The following GNA14 variants were observed in gnomAD, a reference collection of about 807,000 sequenced individuals.
GNA14 encodes guanine nucleotide-binding protein subunit alpha-14.
GNA14 carries 50 observed loss-of-function variants against 42.0 expected under a neutral mutation model. The ratio of observed to expected loss-of-function variants is 1.19; its 90% confidence interval spans 0.95 to 1.51. The LOEUF (loss-of-function observed/expected upper bound fraction) is 1.51, where lower values mean the gene tolerates loss of function less well. Ranked by LOEUF, GNA14 falls within the 40% of genes most tolerant of loss-of-function variation. The probability of loss-of-function intolerance (pLI) is 0.00; values close to 1 mark genes in which losing one functional copy is unlikely to be tolerated. For missense variants in GNA14, 473 were observed against 446.2 expected (o/e 1.06, Z -0.54); for synonymous variants, 173 against 163.1 (o/e 1.06, Z -0.46).
intron 1 of GNA14, among the ~76,000 whole-genome samples, chr9:77,587,299 C>T (rs536142644): frequency 2.0e-4 from 31 of 152,198 alleles, no homozygotes; most frequent in African/African-American, 6.7e-4. Context: ...CACTTCTAAG[C>T]ATATATACCC....
intron 1 of GNA14, among the ~76,000 whole-genome samples, chr9:77,638,401 A>C (rs535626940): frequency 6.6e-6 from 1 of 152,382 alleles, no homozygotes; most frequent in East Asian, 1.9e-4. Context: ...GTGCAAGGAT[A>C]ATTTCAGGTA....
intron 2 of GNA14, among the ~76,000 whole-genome samples, chr9:77,443,132 T>C (rs922039830): frequency 5.3e-5 from 8 of 152,188 alleles, no homozygotes; most frequent in African/African-American, 1.9e-4. Flanking sequence ...CTCTCACTGA[T>C]AGTGTAAACA....
chr9:77,541,418 G>A (rs1046640693), intron 1 of GNA14, among the ~76,000 whole-genome samples: 1 of 152,020 alleles, frequency 6.6e-6, no homozygotes, highest in African/African-American at 2.4e-5. Flanking sequence ...GTCAGATAGG[G>A]GTTCCTTTAT....
chr9:77,498,403 A>AAAAAAAAAAAAAAC (rs1836911241), intron 2 of GNA14, among the ~76,000 whole-genome samples: 1 of 151,126 alleles, frequency 6.6e-6, no homozygotes, highest in African/African-American at 2.4e-5. Context: ...AAAAAGAAAA[A>AAAAAAAAAAAAAAC]GAAAACAAGC....
intron 2 of GNA14, among the ~76,000 whole-genome samples, chr9:77,501,350 T>C (rs1053325809): frequency 3.3e-5 from 5 of 152,212 alleles, no homozygotes; most frequent in African/African-American, 9.7e-5. Flanking sequence ...TCCTCCACAT[T>C]ACCCCCAGCA....
chr9:77,518,540 T>C (rs1262034784), intron 2 of GNA14, among the ~76,000 whole-genome samples: 2 of 152,102 alleles, frequency 1.3e-5, no homozygotes, highest in Non-Finnish European at 2.9e-5. Flanking sequence ...CCACATGCCA[T>C]CTTTCAACCA....
At chr9:77,506,283 TAA>T (rs199978059) in intron 2 of GNA14, among the ~76,000 whole-genome samples, 55 of 126,706 alleles carry the variant, frequency 4.3e-4, no homozygotes, top group Admixed American at 7.3e-4. Flanking sequence ...CCCTGTCTCT[TAA>T]AAAAAAAAAA....
At chr9:77,620,372 T>C (rs769761988) in intron 1 of GNA14, among the ~76,000 whole-genome samples, 7 of 152,156 alleles carry the variant, frequency 4.6e-5, no homozygotes, top group Non-Finnish European at 8.8e-5. Flanking sequence ...TTTCAGGTGA[T>C]TGAAAGTTTA....
intron 1 of GNA14, among the ~76,000 whole-genome samples, chr9:77,640,781 T>C (rs1277776097): frequency 6.9e-6 from 1 of 145,300 alleles, no homozygotes; most frequent in Non-Finnish European, 1.5e-5. Flanking sequence ...GCAGAGCCCC[T>C]CTGAGAAACA....
At chr9:77,446,107 CA>C (rs1835813615) in intron 2 of GNA14, among the ~76,000 whole-genome samples, 1 of 152,154 alleles carries the variant, frequency 6.6e-6, no homozygotes, top group South Asian at 2.1e-4. Context: ...CGTGAGTGAC[CA>C]GAGCGGCAGG....
At chr9:77,623,078 G>T (rs1823954233) in intron 1 of GNA14, among the ~76,000 whole-genome samples, 1 of 150,640 alleles carries the variant, frequency 6.6e-6, no homozygotes, top group Non-Finnish European at 1.5e-5. Context: ...AGCCAGGTGT[G>T]GTGGCATGCG....
chr9:77,535,026 T>G (rs1837576676), intron 1 of GNA14, among the ~76,000 whole-genome samples: 1 of 152,208 alleles, frequency 6.6e-6, no homozygotes, highest in South Asian at 2.1e-4. Context: ...ATTTCAGGGC[T>G]TTTTAATGGG....
At chr9:77,587,518 A>T (rs1823324451) in intron 1 of GNA14, among the ~76,000 whole-genome samples, 1 of 152,182 alleles carries the variant, frequency 6.6e-6, no homozygotes, top group African/African-American at 2.4e-5. Flanking sequence ...TGAACTTTAA[A>T]ATATTTGCCA....
intron 2 of GNA14, among the ~76,000 whole-genome samples, chr9:77,462,116 T>G (rs1836118546): frequency 6.6e-6 from 1 of 152,136 alleles, no homozygotes; most frequent in Non-Finnish European, 1.5e-5. Flanking sequence ...AGCAGCATGA[T>G]TAAGGCTTCT....
chr9:77,498,391 AAAAAAAG>A (rs1476376949), intron 2 of GNA14, among the ~76,000 whole-genome samples: 2 of 141,554 alleles, frequency 1.4e-5, no homozygotes, highest in African/African-American at 5.3e-5. Flanking sequence ...AAAAAAAAGA[AAAAAAAG>A]AAAAAGAAAA....
chr9:77,589,688 C>G (rs933318694), intron 1 of GNA14, among the ~76,000 whole-genome samples: 1 of 152,076 alleles, frequency 6.6e-6, no homozygotes, highest in African/African-American at 2.4e-5. Context: ...CCGCAGGTTG[C>G]CTAAAGCAAC....
At chr9:77,485,748 TAGGTGACC>T (rs1273440783) in intron 2 of GNA14, among the ~76,000 whole-genome samples, 2 of 152,176 alleles carry the variant, frequency 1.3e-5, no homozygotes, top group Non-Finnish European at 2.9e-5. Context: ...TCAGAGCGCT[TAGGTGACC>T]AGGTGCATTG....
At chr9:77,452,381 AG>A (rs1241431194) in intron 2 of GNA14, among the ~76,000 whole-genome samples, 2 of 152,186 alleles carry the variant, frequency 1.3e-5, no homozygotes, top group Admixed American at 1.3e-4. Flanking sequence ...AAGTACATTC[AG>A]TCCAGCGATG....
chr9:77,518,874 A>G (rs986645110), intron 2 of GNA14, among the ~76,000 whole-genome samples: 5 of 152,200 alleles, frequency 3.3e-5, no homozygotes, highest in Non-Finnish European at 7.3e-5. Context: ...CCATTATTTT[A>G]AAATTTGATT....
Sources: allele counts gnomAD v4.1 joint callset (sites outside exome capture counted in the v4.1 genomes callset), GRCh38; gene constraint gnomAD v4.1.1; transcripts MANE v1.5; gene names NCBI Gene and HGNC (gene_info 2026-07-23, HGNC 2026-07-21).